Variants in MTERF4 observed in about 807,000 individuals in gnomAD.
MTERF4 encodes transcription termination factor 4, mitochondrial.
Under a neutral mutation model 22.5 loss-of-function variants are expected in MTERF4, and 17 were observed. That is an observed-to-expected ratio of 0.75 (90% confidence interval 0.52 to 1.13). The LOEUF is 1.13. Among genes scored for constraint, MTERF4 ranks in the 50% most tolerant of loss-of-function variants. MTERF4 has a pLI of 0.00. For missense variants in MTERF4, 420 were observed against 466.8 expected, an observed-to-expected ratio of 0.90 and a Z score of 0.92; for synonymous variants, 165 against 175.3, an observed-to-expected ratio of 0.94 and a Z score of 0.47.
chr2:241,064,145 T>C, the MTERF4 span: 11 of 1,464,032 alleles, frequency 7.5e-6, no homozygotes, highest in Non-Finnish European at 1.0e-5. This position sits in a 1 kb window ranked among gnomAD's most constrained non-coding sequence, Gnocchi z 7.0. Context: ...CAGGCCTGCC[T>C]GCTCCCCGCC....
At chr2:241,092,553 G>A (rs1388132335), downstream of MTERF4, 2 of 152,156 alleles carry the variant, frequency 1.3e-5, no homozygotes, top group Admixed American at 1.3e-4. This position sits in a 1 kb window ranked among gnomAD's most constrained non-coding sequence, Gnocchi z 4.6. Flanking sequence ...GGGTATCAAA[G>A]AAAGACCCCT....
chr2:241,082,442 C>G (rs913284768), downstream of MTERF4: 4 of 1,092,176 alleles, frequency 3.7e-6, no homozygotes, highest in East Asian at 9.7e-5. Flanking sequence ...TCAAAGCTAC[C>G]CAGCTAACCC....
chr2:241,094,510 C>G (rs1367915611), downstream of MTERF4: 3 of 424,906 alleles, frequency 7.1e-6, no homozygotes, highest in African/African-American at 6.2e-5. This position sits in a 1 kb window ranked among gnomAD's most constrained non-coding sequence, Gnocchi z 4.3. Flanking sequence ...CAGGGGTATT[C>G]CAGTGCATAG....
At chr2:241,070,029 T>C (rs1483871362), downstream of MTERF4, 1 of 1,612,994 alleles carries the variant, frequency 6.2e-7, no homozygotes, top group Admixed American at 1.7e-5. Context: ...ATGTCATCAA[T>C]GTGACCACCA....
At chr2:241,088,219 C>T (rs2063684331), downstream of MTERF4, 2 of 669,458 alleles carry the variant, frequency 3.0e-6, no homozygotes. Flanking sequence ...ATCTCCACAG[C>T]GGTGTCTGGA....
rs1559340722 is a variant in MTERF4, at chr2:241,099,467, TG to T, written c.448del (p.Gln150SerfsTer3). ...TTGCATAATAGGCAGTTTCAATAAC[TG>T]GGGACTTTTCTTCAAGACCACACAC... ...PVCVVLKKSP[Q>X]LLKLPIMQMR... On this transcript the variant is annotated frameshift_variant, in exon 2 of 4. Transcript: ENST00000391980. LOFTEE classifies it high-confidence loss of function. The T allele has an allele frequency of 2.5e-6, 4 of 1,614,210 alleles. No homozygotes were observed. The highest frequency in any genetic ancestry group is 3.4e-6 in the Non-Finnish European group (4 of 1,180,040).
chr2:241,087,954 C>T (rs1358910242), downstream of MTERF4: 15 of 397,712 alleles, frequency 3.8e-5, no homozygotes, highest in Non-Finnish European at 1.8e-5. Flanking sequence ...AGCCTGTCAT[C>T]GTCCTCATAG....
At position 241,073,218 on chromosome 2, in the gene MTERF4, C is replaced by A; in HGVS notation, n.2944G>T. On this transcript the variant is annotated non_coding_transcript_exon_variant, in exon 5 of 5. Coordinates refer to the MTERF4 transcript ENST00000464344. The surrounding 1 kb of genome is among the most constrained non-coding windows in gnomAD (Gnocchi z 6.6). ...CAAAAGGGTGGCCCCAGGACCATCC[C>A]GGGTGCAAAGCAGCTGCGCCGTGTG... 7.1e-7 allele frequency: 1 copy of A among 1,402,314 alleles called. No individual in the cohort carries two copies. The highest frequency in any genetic ancestry group is 9.9e-7 in the Non-Finnish European group (1 of 1,014,116). 86.9% of individuals were successfully genotyped at this position (1,402,314 alleles called of 1,614,324 possible).
At chr2:241,098,906 C>T (rs1422432238) in intron 2 of MTERF4, among the ~76,000 whole-genome samples, 1 of 151,716 alleles carries the variant, frequency 6.6e-6, no homozygotes, top group Admixed American at 6.6e-5. Context: ...GTCTTAACTC[C>T]TCCTCCTTCC....
At chr2:241,098,700 A>G (rs2064564106) in intron 2 of MTERF4, among the ~76,000 whole-genome samples, 1 of 152,272 alleles carries the variant, frequency 6.6e-6, no homozygotes, top group African/African-American at 2.4e-5. Context: ...ATCACATCAC[A>G]GAGACAGAGC....
the MTERF4 span, among the ~76,000 whole-genome samples, chr2:241,052,626 TGAGAGGGCCGGGGGGCC>T: frequency 3.0e-5 from 3 of 99,390 alleles, no homozygotes; most frequent in Non-Finnish European, 3.9e-5. Flanking sequence ...GCCAGGCAGG[TGAGAGGGCCGGGGGGCC>T]AAGCAGGGTA....
downstream of MTERF4, chr2:241,071,759 C>T (rs575711257): frequency 4.9e-5 from 73 of 1,475,732 alleles, no homozygotes; most frequent in South Asian, 2.0e-4. Context: ...CCCGAGGCGG[C>T]GCTCGGACTG....
chr2:241,064,388 G>A, the MTERF4 span, among the ~76,000 whole-genome samples: 1 of 152,114 alleles, frequency 6.6e-6, no homozygotes, highest in Non-Finnish European at 1.5e-5. This position sits in a 1 kb window ranked among gnomAD's most constrained non-coding sequence, Gnocchi z 7.0. Flanking sequence ...CACACCCAGG[G>A]GTGGGGCCTC....
rs1419519595 is a variant in MTERF4, at chr2:241,079,974, TGAAA to T, written n.480-4296_480-4293del. ...AGTGTAAAGAATTAAAAATATAAAATGAAAGAAGTTAAAAATCTTGTTTGTTTTG... is the reference window on the plus strand; with the variant it reads ...AGTGTAAAGAATTAAAAATATAAAATGAAGTTAAAAATCTTGTTTGTTTTG... On this transcript the variant is annotated intron_variant and non_coding_transcript_variant, in intron 4 of 4. Transcript: ENST00000464344. Among the ~76,000 whole-genome samples, 7 of 152,246 alleles carry T rather than the reference TGAAA, an allele frequency of 4.6e-5. No homozygotes were observed. In the East Asian group the frequency reaches 1.4e-3, roughly 29 times the overall value.
At chr2:241,052,407 C>T in the MTERF4 span, 2 of 1,602,920 alleles carry the variant, frequency 1.2e-6, no homozygotes, top group African/African-American at 2.7e-5. Flanking sequence ...CCTGCGAGGA[C>T]CGGGACACGG....
chr2:241,065,276 T>G, the MTERF4 span: 1 of 1,611,552 alleles, frequency 6.2e-7, no homozygotes, highest in Non-Finnish European at 8.5e-7. Context: ...TCCCCTCCCC[T>G]TGTTTTGACC....
the MTERF4 span, chr2:241,048,845 G>A: frequency 3.1e-6 from 4 of 1,303,176 alleles, no homozygotes; most frequent in Non-Finnish European, 4.3e-6. Context: ...TTCGGCCGGG[G>A]TCCGTAGGTC....
the MTERF4 span, among the ~76,000 whole-genome samples, chr2:241,058,497 G>T: frequency 2.6e-3 from 393 of 152,232 alleles, 4 homozygotes; most frequent in African/African-American, 9.1e-3. Context: ...GCCAAAATTA[G>T]TTCTTTGAAA....
intron 4 of MTERF4, among the ~76,000 whole-genome samples, chr2:241,079,579 G>C (rs75895048): frequency 0.18 from 28,125 of 152,128 alleles, 2,752 homozygotes; most frequent in Middle Eastern, 0.27. Context: ...AATGGGACTG[G>C]AGATCGGCGA....
Sources: gnomAD v4.1 joint callset for allele counts (sites outside exome capture counted in the v4.1 genomes callset) on GRCh38, gnomAD v4.1.1 for gene constraint, Gnocchi (gnomAD v3.1) non-coding constraint, MANE v1.5 for transcripts, NCBI Gene and HGNC (gene_info 2026-07-23, HGNC 2026-07-21) for gene names.